The following TET3 variants were observed in gnomAD, a reference collection of about 807,000 sequenced individuals.
TET3 encodes the protein tet methylcytosine dioxygenase 3, also known as methylcytosine dioxygenase TET3.
A neutral mutation model predicts 141.4 loss-of-function variants in TET3; 19 were observed. The observed-to-expected ratio is 0.13, with a 90% CI of 0.09 to 0.20. TET3 has a LOEUF of 0.20. Among genes scored for constraint, TET3 ranks in the 10% least tolerant of loss-of-function variants. The pLI is 1.00. For missense variants in TET3, 1,874 were observed against 2,356.9 expected, an observed-to-expected ratio of 0.80 and a Z score of 4.24; for synonymous variants, 1,043 against 980.9, an observed-to-expected ratio of 1.06 and a Z score of -1.18.
intron 4 of TET3, among the ~76,000 whole-genome samples, chr2:74,052,299 A>T (rs535784430): frequency 2.0e-5 from 3 of 152,266 alleles, no homozygotes; most frequent in African/African-American, 7.2e-5. Flanking sequence ...TTCAGTTGGT[A>T]TGGTAGAATT....
At chr2:74,121,444 C>T in the TET3 span, 2 of 152,210 alleles carry the variant, frequency 1.3e-5, no homozygotes, top group African/African-American at 2.4e-5. Flanking sequence ...AGAAAAATGT[C>T]ACAGCTGGTA....
chr2:74,074,085 C>A (rs1689360638), intron 5 of TET3, among the ~76,000 whole-genome samples: 1 of 152,154 alleles, frequency 6.6e-6, no homozygotes, highest in Non-Finnish European at 1.5e-5. Flanking sequence ...TTTACCTCCC[C>A]TAAGAGGAAT....
chr2:74,074,220 T>C (rs1406692670), intron 5 of TET3, among the ~76,000 whole-genome samples: 5 of 152,168 alleles, frequency 3.3e-5, no homozygotes, highest in Non-Finnish European at 5.9e-5. Flanking sequence ...TGGGTTCACA[T>C]TGTACGTTTA....
the TET3 span, among the ~76,000 whole-genome samples, chr2:74,115,392 G>A: frequency 6.6e-6 from 1 of 152,060 alleles, no homozygotes; most frequent in Admixed American, 6.6e-5. Flanking sequence ...AATATAGAGA[G>A]GTATAACGGA....
chr2:74,066,898 T>C (rs533380380), intron 4 of TET3, among the ~76,000 whole-genome samples: 65 of 152,332 alleles, frequency 4.3e-4, no homozygotes, highest in African/African-American at 1.4e-3. Flanking sequence ...AGCTACATGA[T>C]GTTTCTCTTC....
intron 6 of TET3, among the ~76,000 whole-genome samples, chr2:74,082,423 G>A (rs1021633526): frequency 2.0e-5 from 3 of 152,174 alleles, no homozygotes; most frequent in African/African-American, 4.8e-5. Context: ...CGCATGGGGC[G>A]CAGTGAACTG....
At chr2:74,116,689 T>TA in the TET3 span, among the ~76,000 whole-genome samples, 29 of 133,086 alleles carry the variant, frequency 2.2e-4, no homozygotes, top group African/African-American at 3.0e-4. Flanking sequence ...CATCCCAAGT[T>TA]AAAAAAAAAA....
At chr2:74,076,011 G>A (rs530441668) in intron 5 of TET3, among the ~76,000 whole-genome samples, 11 of 152,180 alleles carry the variant, frequency 7.2e-5, no homozygotes, top group African/African-American at 2.4e-4. Context: ...TTTGATCTGG[G>A]GCAGGTTTTT....
At chr2:74,061,537 G>A (rs1249040778) in intron 4 of TET3, among the ~76,000 whole-genome samples, 4 of 148,334 alleles carry the variant, frequency 2.7e-5, no homozygotes, top group Admixed American at 2.6e-4. Context: ...TCCCAGTAGG[G>A]GCGGCCGGGC....
intron 3 of TET3, among the ~76,000 whole-genome samples, chr2:74,039,445 G>A (rs1297489866): frequency 6.6e-6 from 1 of 152,056 alleles, no homozygotes; most frequent in African/African-American, 2.4e-5. Flanking sequence ...TATGATTTAG[G>A]GCATTGACTT....
At chr2:74,017,306 C>T (rs1573699681) in intron 3 of TET3, among the ~76,000 whole-genome samples, 2 of 152,154 alleles carry the variant, frequency 1.3e-5, no homozygotes, top group Non-Finnish European at 1.5e-5. Flanking sequence ...TATAGTTGCC[C>T]TATGGTGCTA....
At position 74,080,500 on chromosome 2, in the gene TET3, A is replaced by G; in HGVS notation, c.2588A>G (p.Tyr863Cys). 6.2e-7 allele frequency: 1 copy of G among 1,609,718 alleles called. No homozygotes were observed. Among genetic ancestry groups the G allele is most frequent in the African/African-American group, 1.3e-5 (1 of 74,962 alleles). Residue 863 changes from tyrosine to cysteine, a missense_variant and splice_region_variant, in exon 6 of 12, where the codon TAT becomes TGT. Around this residue, in one of 10 missense-constraint regions of TET3, gnomAD observed 126 missense variants for 327.4 expected, o/e 0.38. Transcript: ENST00000409262. ...ASIRELMEER[Y>C]GEKGKAIRIE... ...GTGGCTTCTGTCTCCCTCTTCAGGT[A>G]TGGAGAGAAGGGGAAAGCCATCCGG...
At chr2:74,085,396 G>T (rs933945371) in intron 6 of TET3, among the ~76,000 whole-genome samples, 2 of 152,120 alleles carry the variant, frequency 1.3e-5, no homozygotes, top group South Asian at 2.1e-4. Flanking sequence ...CATTTGTATT[G>T]CCTGCCTGGC....
intron 3 of TET3, among the ~76,000 whole-genome samples, chr2:74,022,248 A>G (rs1311590870): frequency 6.6e-6 from 1 of 151,938 alleles, no homozygotes; most frequent in Non-Finnish European, 1.5e-5. Context: ...TTTCCTTGCT[A>G]TGTTTAGTTG....
At chr2:74,016,023 C>G (rs1685707935) in intron 3 of TET3, among the ~76,000 whole-genome samples, 1 of 152,052 alleles carries the variant, frequency 6.6e-6, no homozygotes, top group African/African-American at 2.4e-5. Flanking sequence ...CACAAAAGTT[C>G]TTAATATATT....
chr2:74,034,689 C>T (rs745547751), intron 3 of TET3, among the ~76,000 whole-genome samples: 10 of 151,680 alleles, frequency 6.6e-5, no homozygotes, highest in African/African-American at 1.9e-4. Context: ...AGTTTATGCT[C>T]CTTTAGAAAT....
intron 4 of TET3, among the ~76,000 whole-genome samples, chr2:74,070,951 G>A (rs1689171283): frequency 6.6e-6 from 1 of 152,174 alleles, no homozygotes; most frequent in South Asian, 2.1e-4. Context: ...CTCCAACCTG[G>A]GCATCAGAGT....
At chr2:73,996,962 G>C (rs1266616776) in intron 2 of TET3, among the ~76,000 whole-genome samples, 1 of 152,246 alleles carries the variant, frequency 6.6e-6, no homozygotes, top group Non-Finnish European at 1.5e-5. Flanking sequence ...CTGGGGCACT[G>C]TTGATGGCTG....
the TET3 span, among the ~76,000 whole-genome samples, chr2:74,120,428 G>A: frequency 3.3e-5 from 5 of 152,322 alleles, 1 homozygote; most frequent in Middle Eastern, 3.4e-3. Context: ...GCTACGCCCC[G>A]GCCGCTCCAC....
Sources: allele counts gnomAD v4.1 joint callset (sites outside exome capture counted in the v4.1 genomes callset), GRCh38; gene constraint gnomAD v4.1.1; regional missense constraint gnomAD v4.1.1; transcripts MANE v1.5; gene names NCBI Gene and HGNC (gene_info 2026-07-23, HGNC 2026-07-21).